Variants in SNX29 observed in about 807,000 individuals in gnomAD.
The protein encoded by SNX29 is sorting nexin-29.
Under a neutral mutation model 102.1 loss-of-function variants are expected in SNX29, and 78 were observed. The ratio of observed to expected loss-of-function variants is 0.76; its 90% confidence interval spans 0.64 to 0.92. SNX29 has a LOEUF of 0.92. Ranked by LOEUF, SNX29 falls within the 40% of genes least tolerant of loss-of-function variation. The probability of loss-of-function intolerance (pLI) is 0.00; values close to 1 mark genes in which losing one functional copy is unlikely to be tolerated. For synonymous variants in SNX29, 580 were observed against 414.5 expected (o/e 1.40, Z -4.85); for missense variants, 1,280 against 1,061.7 (o/e 1.21, Z -2.86).
intron 19 of SNX29, among the ~76,000 whole-genome samples, chr16:12,522,113 C>G (rs1356779237): frequency 6.6e-6 from 1 of 152,196 alleles, no homozygotes; most frequent in African/African-American, 2.4e-5. Flanking sequence ...CTGGTGCTTG[C>G]AAGAGGCTTG....
rs892878137 is a variant in SNX29 at position 12,571,436 on chromosome 16, G to A, written c.*2807G>A. ...CTGTCTTCTTCTAAGATTACTCGGAGATTTTCAAACAACATCTGAGAACAG... is the reference window on the plus strand; with the variant it reads ...CTGTCTTCTTCTAAGATTACTCGGAAATTTTCAAACAACATCTGAGAACAG... On this transcript the variant is annotated 3_prime_UTR_variant, in exon 21 of 21. Coordinates refer to ENST00000566228, the MANE Select transcript of SNX29 (RefSeq NM_032167.5). 8.5e-6 allele frequency: 2 copies of A among 236,296 alleles called. No homozygotes were observed. The highest frequency in any genetic ancestry group is 1.6e-5 in the Non-Finnish European group (2 of 121,546). The allele number at this position is 236,296 out of a possible 1,614,324, so 14.6% of individuals were successfully genotyped here.
At chr16:12,142,908 G>A (rs1483270649) in intron 13 of SNX29, among the ~76,000 whole-genome samples, 2 of 151,982 alleles carry the variant, frequency 1.3e-5, no homozygotes. Context: ...ACTGTTCCGT[G>A]TGAAGCTTAG....
chr16:12,371,228 A>ACCTT (rs35413938), intron 16 of SNX29, among the ~76,000 whole-genome samples: 20 of 151,780 alleles, frequency 1.3e-4, no homozygotes, highest in South Asian at 4.2e-4. Context: ...CTTTGGACCA[A>ACCTT]CCTTCCTTCC....
At chr16:12,079,897 A>G (rs1484626084) in intron 11 of SNX29, among the ~76,000 whole-genome samples, 3 of 152,240 alleles carry the variant, frequency 2.0e-5, no homozygotes, top group African/African-American at 7.2e-5. Context: ...TATAGGATTC[A>G]GGGGCCTGAG....
At chr16:12,274,793 T>C (rs932029746) in intron 14 of SNX29, among the ~76,000 whole-genome samples, 1 of 152,162 alleles carries the variant, frequency 6.6e-6, no homozygotes. Context: ...TTCTGGAAAT[T>C]TTGCTACCCT....
At chr16:12,307,458 C>T (rs1162049618) in intron 15 of SNX29, among the ~76,000 whole-genome samples, 1 of 152,236 alleles carries the variant, frequency 6.6e-6, no homozygotes, top group Non-Finnish European at 1.5e-5. Context: ...GGAATTCTCA[C>T]ATTTGTGAAT....
At chr16:12,355,921 C>T (rs4781209) in intron 15 of SNX29, among the ~76,000 whole-genome samples, 82,731 of 146,640 alleles carry the variant, frequency 0.56, 23,726 homozygotes, top group African/African-American at 0.63. Flanking sequence ...GATCTGATAC[C>T]ATCCTATTTG....
At chr16:11,982,240 A>T (rs2055433762) in intron 1 of SNX29, among the ~76,000 whole-genome samples, 1 of 152,108 alleles carries the variant, frequency 6.6e-6, no homozygotes, top group Non-Finnish European at 1.5e-5. Flanking sequence ...TTTTCTTTAA[A>T]GAACCCAGTA....
intron 18 of SNX29, among the ~76,000 whole-genome samples, chr16:12,418,172 G>C (rs913562606): frequency 6.6e-6 from 1 of 152,180 alleles, no homozygotes; most frequent in Non-Finnish European, 1.5e-5. Context: ...TTGTAGTACA[G>C]ATTTAAAATT....
chr16:12,326,285 A>G (rs1309942623), intron 15 of SNX29, among the ~76,000 whole-genome samples: 1 of 150,402 alleles, frequency 6.6e-6, no homozygotes, highest in East Asian at 2.0e-4. Context: ...AAGTGCTGGT[A>G]TTACAGGTGT....
intron 17 of SNX29, among the ~76,000 whole-genome samples, chr16:12,402,940 G>A (rs767715253): frequency 6.6e-6 from 1 of 152,166 alleles, no homozygotes. Context: ...GGTCTCCTGA[G>A]CTCGTTTGTG....
intron 1 of SNX29, among the ~76,000 whole-genome samples, chr16:11,979,555 C>T (rs117032447): frequency 6.6e-5 from 10 of 151,962 alleles, no homozygotes; most frequent in Admixed American, 6.6e-4. Flanking sequence ...TTCTTCTGTT[C>T]CCCACTTATA....
intron 10 of SNX29, among the ~76,000 whole-genome samples, chr16:12,073,997 C>CT (rs368620877): frequency 6.6e-5 from 10 of 151,974 alleles, no homozygotes; most frequent in South Asian, 2.1e-4. Context: ...CAACCCCTGC[C>CT]TTTTTTTTGT....
At chr16:12,563,854 T>G (rs534999399) in intron 20 of SNX29, among the ~76,000 whole-genome samples, 1 of 152,334 alleles carries the variant, frequency 6.6e-6, no homozygotes, top group South Asian at 2.1e-4. Flanking sequence ...CCCTGCTGAA[T>G]AGCCATCTCT....
chr16:12,043,377 C>T (rs958603851), intron 5 of SNX29, among the ~76,000 whole-genome samples: 1 of 149,894 alleles, frequency 6.7e-6, no homozygotes, highest in African/African-American at 2.5e-5. Flanking sequence ...TTTTTAAAGA[C>T]AGGGTCTTGC....
At chr16:12,343,939 G>C (rs541249168) in intron 15 of SNX29, among the ~76,000 whole-genome samples, 10 of 152,324 alleles carry the variant, frequency 6.6e-5, no homozygotes, top group African/African-American at 2.4e-4. Context: ...TTGAATTGTA[G>C]CTCCCATAAT....
chr16:12,501,015 C>G (rs1159406150), intron 19 of SNX29, among the ~76,000 whole-genome samples: 1 of 152,174 alleles, frequency 6.6e-6, no homozygotes, highest in Non-Finnish European at 1.5e-5. Flanking sequence ...TGGCTGTGTG[C>G]TGTGTTGCCC....
intron 1 of SNX29, among the ~76,000 whole-genome samples, chr16:11,986,307 C>G (rs553080443): frequency 1.7e-4 from 25 of 151,344 alleles, no homozygotes; most frequent in African/African-American, 5.8e-4. Flanking sequence ...GGAAACTTGC[C>G]CACTCCATCT....
intron 15 of SNX29, among the ~76,000 whole-genome samples, chr16:12,287,663 A>G (rs1567400265): frequency 6.6e-6 from 1 of 152,232 alleles, no homozygotes; most frequent in African/African-American, 2.4e-5. Flanking sequence ...AGTTAGCAGT[A>G]ATTCCTTAGT....
Sources: allele counts gnomAD v4.1 joint callset (sites outside exome capture counted in the v4.1 genomes callset), GRCh38; gene constraint gnomAD v4.1.1; transcripts MANE v1.5; gene names NCBI Gene and HGNC (gene_info 2026-07-23, HGNC 2026-07-21).